Variants in BLOC1S5 observed in about 807,000 individuals in gnomAD.
BLOC1S5 encodes biogenesis of lysosome-related organelles complex 1 subunit 5.
A neutral mutation model predicts 24.3 loss-of-function variants in BLOC1S5; 27 were observed. The ratio of observed to expected loss-of-function variants is 1.11; its 90% CI spans 0.82 to 1.53. BLOC1S5 has a LOEUF of 1.53. BLOC1S5 is among the 40% of genes most tolerant of loss of function. The pLI, the probability that BLOC1S5 is intolerant of heterozygous loss-of-function variation, is 0.00. For synonymous variants in BLOC1S5, 84 were observed against 74.5 expected (o/e 1.13, Z -0.66); for missense variants, 239 against 229.4 (o/e 1.04, Z -0.27).
intron 3 of BLOC1S5, 151 bp downstream of exon 3, chr6:8,040,988 T>C (rs530062886): frequency 4.1e-6 from 3 of 729,858 alleles, no homozygotes; most frequent in South Asian, 4.9e-5. Flanking sequence ...GATTAATTAA[T>C]GGCAACACAC....
intron 2 of BLOC1S5, among the ~76,000 whole-genome samples, chr6:8,058,433 G>C (rs946671570): frequency 2.0e-5 from 3 of 147,556 alleles, no homozygotes; most frequent in Non-Finnish European, 3.0e-5. Context: ...TCAAGAGAGA[G>C]TAGTGGAAAC....
chr6:8,049,606 TC>T (rs1764037077), intron 2 of BLOC1S5, among the ~76,000 whole-genome samples: 3 of 152,170 alleles, frequency 2.0e-5, no homozygotes, highest in Admixed American at 2.0e-4. Flanking sequence ...CCCTATCTCC[TC>T]CATAGCTTTC....
chr6:8,050,590 T>A (rs1472896927), intron 2 of BLOC1S5, among the ~76,000 whole-genome samples: 1 of 142,012 alleles, frequency 7.0e-6, no homozygotes, highest in Non-Finnish European at 1.5e-5. Context: ...AAGATGAGAA[T>A]GGAAAAGAAA....
intron 2 of BLOC1S5, among the ~76,000 whole-genome samples, chr6:8,046,760 CT>C (rs141285635): frequency 6.6e-6 from 1 of 151,208 alleles, no homozygotes; most frequent in African/African-American, 2.4e-5. Flanking sequence ...CAACCTGTAT[CT>C]TTTTTTTTGT....
Position 8,057,613 on chromosome 6 carries a change from C to G in BLOC1S5, c.195+4921G>C, listed in dbSNP as rs141487044. On this transcript the variant is annotated intron_variant, in intron 2 of 4. Coordinates refer to ENST00000397457, the MANE Select transcript of BLOC1S5 (RefSeq NM_201280.3). ...TCTCATGTGTTATATGGAACAGACA[C>G]TCTGATAAAATGATGTTTTAACCTG... 2.3e-4 allele frequency among the ~76,000 whole-genome samples: 35 copies of G among 152,294 alleles called. 1 individual carries two copies. Among genetic ancestry groups the G allele is most frequent in the African/African-American group, 8.2e-4 (34 of 41,552 alleles).
At position 8,038,545 on chromosome 6, in the gene BLOC1S5, C is replaced by T. The variant is rs747040044; in HGVS notation, c.325+2594G>A. Among the ~76,000 whole-genome samples the T allele has an allele frequency of 1.2e-4, 18 of 152,252 alleles. No homozygotes were observed. The East Asian group carries it at 1.5e-3, about 13-fold the overall frequency. The stretch of plus-strand genomic sequence containing the variant: ...TGTTGCCCAGGCTGGAGTGCCGTGG[C>T]GCTATCTTGGCTCACTGCAAGCTCT... On this transcript the variant is annotated intron_variant, in intron 3 of 4. Transcript: ENST00000397457.
At chr6:8,044,273 G>A (rs1763794415) in intron 2 of BLOC1S5, among the ~76,000 whole-genome samples, 1 of 100,140 alleles carries the variant, frequency 1.0e-5, no homozygotes, top group South Asian at 3.8e-4. Context: ...GACAGAGCAA[G>A]ACTCTGTCTC....
intron 2 of BLOC1S5, among the ~76,000 whole-genome samples, chr6:8,058,459 G>C (rs1028191788): frequency 3.3e-5 from 5 of 150,464 alleles, no homozygotes; most frequent in Admixed American, 6.7e-5. Context: ...CATTCCTTAT[G>C]GCAGAGACTA....
chr6:8,045,165 G>A (rs1561865950), intron 2 of BLOC1S5, among the ~76,000 whole-genome samples: 2 of 152,204 alleles, frequency 1.3e-5, no homozygotes, highest in East Asian at 1.9e-4. Flanking sequence ...CCATGTCCCA[G>A]CCACTCCAGC....
rs572399842 is a variant in BLOC1S5 at position 8,029,220 on chromosome 6, G to A, written c.326-2795C>T. Among the ~76,000 whole-genome samples the A allele has an allele frequency of 3.3e-5, 5 of 152,208 alleles. No individual in the cohort carries two copies. In the East Asian group the frequency reaches 9.7e-4, roughly 29 times the overall value. Reference sequence around the variant, plus strand: ...TCTCCACAACAGAAAACCAAAATCAGGTATACAGTGCCGGCAATACCCCAG... The same window carrying A: ...TCTCCACAACAGAAAACCAAAATCAAGTATACAGTGCCGGCAATACCCCAG... On this transcript the variant is annotated intron_variant, in intron 3 of 4. Coordinates refer to ENST00000397457, the MANE Select transcript of BLOC1S5 (RefSeq NM_201280.3).
At chr6:8,060,101 T>C (rs1561872780) in intron 2 of BLOC1S5, among the ~76,000 whole-genome samples, 1 of 152,160 alleles carries the variant, frequency 6.6e-6, no homozygotes, top group Non-Finnish European at 1.5e-5. Context: ...TACAGTGCCA[T>C]ATAGAGAAGT....
chr6:8,026,214 C>T (rs149804780), intron 4 of BLOC1S5, among the ~76,000 whole-genome samples, 153 bp downstream of exon 4: 140 of 152,230 alleles, frequency 9.2e-4, no homozygotes, highest in African/African-American at 3.2e-3. Context: ...GATGGTATGA[C>T]CACACCTCCT....
intron 2 of BLOC1S5, among the ~76,000 whole-genome samples, chr6:8,059,257 T>G: frequency 6.6e-6 from 1 of 152,242 alleles, no homozygotes; most frequent in Non-Finnish European, 1.5e-5. Flanking sequence ...CAGACAGTCA[T>G]CTGTCCTTAA....
intron 3 of BLOC1S5, among the ~76,000 whole-genome samples, chr6:8,035,892 CACTT>C (rs920496575): frequency 6.6e-6 from 1 of 152,140 alleles, no homozygotes; most frequent in African/African-American, 2.4e-5. Flanking sequence ...GCCTTAATGA[CACTT>C]ACAGAACCTT....
rs1373692111 is a variant in BLOC1S5, at chr6:8,013,884, G to A, written c.*1765C>T. On this transcript the variant is annotated 3_prime_UTR_variant, in exon 5 of 5. Coordinates refer to ENST00000397457, the MANE Select transcript of BLOC1S5 (RefSeq NM_201280.3). ...TCAGCAAGTGCGCTTTTTAGTCCAG[G>A]TACCAGCAAATGATTGATGAGCCTG... 6.6e-6 allele frequency: 1 copy of A among 152,018 alleles called. No homozygotes were observed. The highest frequency in any genetic ancestry group is 1.5e-5 in the Non-Finnish European group (1 of 68,014). 9.4% of individuals were successfully genotyped at this position (152,018 alleles called of 1,614,324 possible).
intron 2 of BLOC1S5, among the ~76,000 whole-genome samples, chr6:8,060,377 G>T (rs1220845486): frequency 6.6e-6 from 1 of 152,226 alleles, no homozygotes; most frequent in East Asian, 1.9e-4. Context: ...GATCATCTAG[G>T]ATTTTTAAGT....
chr6:8,030,295 GACTACAGGCAT>G (rs1763253069), intron 3 of BLOC1S5, among the ~76,000 whole-genome samples: 1 of 151,842 alleles, frequency 6.6e-6, no homozygotes, highest in East Asian at 2.0e-4. Flanking sequence ...GAGTAGATGG[GACTACAGGCAT>G]GCACCACCAC....
chr6:8,051,628 T>C (rs767951076), intron 2 of BLOC1S5, among the ~76,000 whole-genome samples: 1 of 152,226 alleles, frequency 6.6e-6, no homozygotes, highest in Non-Finnish European at 1.5e-5. Context: ...AATGCCTGGC[T>C]TCAGAGCTTC....
chr6:8,030,229 G>A (rs1420328072), intron 3 of BLOC1S5, among the ~76,000 whole-genome samples: 3 of 151,946 alleles, frequency 2.0e-5, no homozygotes, highest in Admixed American at 6.6e-5. Flanking sequence ...GCACAATCTC[G>A]GCATACCACA....
Sources: allele counts gnomAD v4.1 joint callset (sites outside exome capture counted in the v4.1 genomes callset), GRCh38; gene constraint gnomAD v4.1.1; transcripts MANE v1.5; gene names NCBI Gene and HGNC (gene_info 2026-07-23, HGNC 2026-07-21).